SPPL2A: variants seen among roughly 807,000 people sequenced by gnomAD.
The protein encoded by SPPL2A is signal peptide peptidase-like 2A.
Under a neutral mutation model 63.8 loss-of-function variants are expected in SPPL2A, and 51 were observed. That is an observed-to-expected ratio of 0.80 (90% CI 0.64 to 1.01). SPPL2A has a LOEUF of 1.01. Among genes scored for constraint, SPPL2A ranks in the 50% least tolerant of loss-of-function variants. The probability of loss-of-function intolerance (pLI) is 0.00; values close to 1 mark genes in which losing one functional copy is unlikely to be tolerated. For missense variants in SPPL2A, 553 were observed against 622.7 expected, an observed-to-expected ratio of 0.89 and a Z score of 1.19; for synonymous variants, 188 against 205.8, an observed-to-expected ratio of 0.91 and a Z score of 0.74.
intron 1 of SPPL2A, among the ~76,000 whole-genome samples, chr15:50,751,401 T>C (rs1025400781): frequency 6.6e-6 from 1 of 152,180 alleles, no homozygotes; most frequent in Non-Finnish European, 1.5e-5. Flanking sequence ...GTAAAATCAT[T>C]TACAGTTCTA....
chr15:50,724,302 C>G (rs1029246597), intron 12 of SPPL2A, among the ~76,000 whole-genome samples: 1 of 152,122 alleles, frequency 6.6e-6, no homozygotes, highest in Non-Finnish European at 1.5e-5. Context: ...AAGGAGCCGG[C>G]GCGGTGGCTC....
chr15:50,738,628 C>A (rs1351610055), intron 6 of SPPL2A, among the ~76,000 whole-genome samples: 2 of 151,738 alleles, frequency 1.3e-5, no homozygotes, highest in Non-Finnish European at 2.9e-5. Flanking sequence ...ATGCTATACA[C>A]ATAAGCATGG....
chr15:50,719,582 A>AC (rs1567151313), intron 14 of SPPL2A, among the ~76,000 whole-genome samples: 2 of 152,324 alleles, frequency 1.3e-5, no homozygotes, highest in East Asian at 3.9e-4. Context: ...TAGGACTCTT[A>AC]CTACAAATAG....
chr15:50,765,255 C>A (rs1308296648), intron 1 of SPPL2A, among the ~76,000 whole-genome samples: 2 of 130,894 alleles, frequency 1.5e-5, no homozygotes, highest in African/African-American at 5.8e-5. Context: ...GAGTGGGGGG[C>A]GGGAAAGTTG....
At chr15:50,758,570 T>C (rs2141062396) in intron 1 of SPPL2A, among the ~76,000 whole-genome samples, 1 of 151,988 alleles carries the variant, frequency 6.6e-6, no homozygotes, top group East Asian at 2.0e-4. Context: ...CCGCGTGATC[T>C]GCCTGCCTCA....
chr15:50,724,899 T>G (rs1596381305), intron 12 of SPPL2A, among the ~76,000 whole-genome samples: 2 of 152,222 alleles, frequency 1.3e-5, no homozygotes, highest in Non-Finnish European at 2.9e-5. Context: ...ATAAGTAATA[T>G]AAACTATTTG....
Position 50,720,092 on chromosome 15 carries a change from T to G in SPPL2A, c.1336A>C (p.Ile446Leu), listed in dbSNP as rs771233315. The G allele has an allele frequency of 6.2e-7, 1 of 1,604,786 alleles. No homozygotes were observed. ...YYVSSTVAYA[I>L]GMILTFVVLV... The stretch of plus-strand genomic sequence containing the variant: ...ACAACAAATGTAAGTATCATGCCAA[T>G]AGCATAGGCTGCAAGAAGAATACCA... Residue 446 changes from isoleucine (I) to leucine (L), a missense_variant, in exon 14 of 15, where the codon ATT (isoleucine) becomes CTT (leucine). Transcript: ENST00000261854.
chr15:50,755,537 C>A (rs1454526897), intron 1 of SPPL2A, among the ~76,000 whole-genome samples: 7 of 138,218 alleles, frequency 5.1e-5, no homozygotes, highest in African/African-American at 1.9e-4. Flanking sequence ...GAAAGGATTG[C>A]TTGAGGCTTG....
At chr15:50,714,797 T>G (rs12438878) in intron 14 of SPPL2A, among the ~76,000 whole-genome samples, 44,942 of 148,466 alleles carry the variant, frequency 0.3, 7,167 homozygotes, top group East Asian at 0.57. Context: ...ACAAAAATTA[T>G]CCAGGGATGG....
chr15:50,757,751 T>A (rs2062972600), intron 1 of SPPL2A, among the ~76,000 whole-genome samples: 1 of 152,152 alleles, frequency 6.6e-6, no homozygotes, highest in Admixed American at 6.6e-5. Flanking sequence ...ATATTCCCTA[T>A]CATTTTCTTT....
intron 1 of SPPL2A, among the ~76,000 whole-genome samples, chr15:50,752,355 G>A (rs1356326587): frequency 2.0e-5 from 3 of 151,946 alleles, no homozygotes; most frequent in Non-Finnish European, 2.9e-5. Flanking sequence ...GCTGAGGCGG[G>A]TGGATCTCCT....
intron 1 of SPPL2A, among the ~76,000 whole-genome samples, chr15:50,759,262 G>A (rs777040454): frequency 9.9e-5 from 15 of 151,866 alleles, no homozygotes; most frequent in Non-Finnish European, 2.2e-4. Flanking sequence ...TATCCTATCA[G>A]TCTTATACCC....
intron 11 of SPPL2A, among the ~76,000 whole-genome samples, chr15:50,725,680 C>A (rs997265839): frequency 3.3e-5 from 5 of 152,150 alleles, no homozygotes; most frequent in African/African-American, 1.2e-4. Context: ...ATCTGCCTGC[C>A]TCAGCCTCCC....
rs900459655 is a variant in SPPL2A at position 50,746,365 on chromosome 15, G to C, written c.584+1130C>G. 3.4e-5 allele frequency among the ~76,000 whole-genome samples: 5 copies of C among 146,140 alleles called. No individual in the cohort carries two copies. The Admixed American group carries it at 3.6e-4, about 10-fold the overall frequency. On this transcript the variant is annotated intron_variant, in intron 5 of 14. Coordinates refer to ENST00000261854, the MANE Select transcript of SPPL2A (RefSeq NM_032802.4). ...AGGCAGGAGAATCACTTGAACTGGAGAGGCGGAGTTTTCAGTGAGCCAAGA... is the reference window on the plus strand; with the variant it reads ...AGGCAGGAGAATCACTTGAACTGGACAGGCGGAGTTTTCAGTGAGCCAAGA...
intron 1 of SPPL2A, among the ~76,000 whole-genome samples, chr15:50,752,192 T>C (rs1489788613): frequency 6.6e-6 from 1 of 152,092 alleles, no homozygotes. Context: ...TCAGTAGAGA[T>C]GCATTAATTT....
intron 2 of SPPL2A, among the ~76,000 whole-genome samples, chr15:50,749,292 A>AT (rs921375511): frequency 1.9e-3 from 271 of 146,442 alleles, no homozygotes; most frequent in East Asian, 2.8e-3. Flanking sequence ...CTTCTTCACT[A>AT]TTTTTTTTTT....
At chr15:50,765,182 C>T (rs2063047166) in intron 1 of SPPL2A, among the ~76,000 whole-genome samples, 1 of 151,978 alleles carries the variant, frequency 6.6e-6, no homozygotes, top group Non-Finnish European at 1.5e-5. Flanking sequence ...GTCAACGCAA[C>T]CTAAGGGGCT....
In SPPL2A at chr15:50,706,634, G is replaced by C. The variant is rs1352450877; in HGVS notation, c.*1166C>G. The C allele has an allele frequency of 6.6e-6, 1 of 151,800 alleles. No individual in the cohort carries two copies. The highest frequency in any genetic ancestry group is 2.4e-5 in the African/African-American group (1 of 41,286). The allele number at this position is 151,800 out of a possible 1,614,324, so 9.4% of individuals were successfully genotyped here. ...TAACGGGTGGGAGTGGGGGAATGTG[G>C]GATAATGTTAGGAATGCTGTATTCA... On this transcript the variant is annotated 3_prime_UTR_variant, in exon 15 of 15. Transcript: ENST00000261854.
intron 8 of SPPL2A, among the ~76,000 whole-genome samples, chr15:50,735,825 C>CCT (rs2062767314): frequency 6.6e-6 from 1 of 152,170 alleles, no homozygotes; most frequent in Non-Finnish European, 1.5e-5. Flanking sequence ...GATCCGCCTG[C>CCT]CTCGGCCTCC....
Sources: gnomAD v4.1 joint callset for allele counts (sites outside exome capture counted in the v4.1 genomes callset) on GRCh38, gnomAD v4.1.1 for gene constraint, MANE v1.5 for transcripts, NCBI Gene and HGNC (gene_info 2026-07-23, HGNC 2026-07-21) for gene names.